UBTD2: variants seen among roughly 807,000 people sequenced by gnomAD.
UBTD2 encodes ubiquitin domain-containing protein 2.
Under a neutral mutation model 19.8 loss-of-function variants are expected in UBTD2, and 9 were observed. That is an observed-to-expected ratio of 0.46 (90% CI 0.27 to 0.79). UBTD2 has a LOEUF of 0.79. Among genes scored for constraint, UBTD2 ranks in the 30% least tolerant of loss-of-function variants. The probability of loss-of-function intolerance (pLI) is 0.14; values close to 1 mark genes in which losing one functional copy is unlikely to be tolerated. For synonymous variants in UBTD2, 98 were observed against 103.9 expected, an observed-to-expected ratio of 0.94 and a Z score of 0.35; for missense variants, 250 against 300.4, an observed-to-expected ratio of 0.83 and a Z score of 1.24.
At chr5:172,247,557 T>C (rs1271247503) in intron 1 of UBTD2, among the ~76,000 whole-genome samples, 1 of 152,184 alleles carries the variant, frequency 6.6e-6, no homozygotes, top group African/African-American at 2.4e-5. Flanking sequence ...CTACAGTGGC[T>C]ATATTTGTAA....
chr5:172,221,078 C>A (rs940095423), intron 2 of UBTD2, among the ~76,000 whole-genome samples: 1 of 152,072 alleles, frequency 6.6e-6, no homozygotes, highest in Admixed American at 6.5e-5. Context: ...GAAACAACAA[C>A]AACAAAAAAC....
chr5:172,275,150 C>T (rs1755581348), intron 1 of UBTD2, among the ~76,000 whole-genome samples: 1 of 152,134 alleles, frequency 6.6e-6, no homozygotes, highest in Admixed American at 6.6e-5. Flanking sequence ...GTGGAAGGGG[C>T]AACAAACACG....
Position 172,211,729 on chromosome 5 carries a change from T to C in UBTD2, c.*101A>G, listed in dbSNP as rs1277679969. The C allele has an allele frequency of 1.6e-5, 21 of 1,303,248 alleles. No individual in the cohort carries two copies. The highest frequency in any genetic ancestry group is 2.2e-5 in the Non-Finnish European group (21 of 973,882). The allele number at this position is 1,303,248 out of a possible 1,614,324, so 80.7% of individuals were successfully genotyped here. A position where few individuals can be genotyped will look rare whatever the true frequency, so the allele number is the denominator to read the frequency against. ...CAGAACTAAATCCATTCATAGGGAATTTAGAGCAGTGAAATAGATTTCACG... is the reference window on the plus strand; with the variant it reads ...CAGAACTAAATCCATTCATAGGGAACTTAGAGCAGTGAAATAGATTTCACG... On this transcript the variant is annotated 3_prime_UTR_variant, in exon 3 of 3. Coordinates refer to ENST00000393792, the MANE Select transcript of UBTD2 (RefSeq NM_152277.3).
intron 1 of UBTD2, among the ~76,000 whole-genome samples, chr5:172,263,018 G>A (rs1348679482): frequency 6.6e-6 from 1 of 151,760 alleles, no homozygotes; most frequent in Non-Finnish European, 1.5e-5. Flanking sequence ...GTGGCTCACT[G>A]CAGCCACGAC....
chr5:172,259,048 C>G (rs549557721), intron 1 of UBTD2, among the ~76,000 whole-genome samples: 1 of 152,274 alleles, frequency 6.6e-6, no homozygotes, highest in Non-Finnish European at 1.5e-5. Context: ...ATGTTTCCAG[C>G]TTTTACCCAT....
chr5:172,254,343 A>T, intron 1 of UBTD2: 1 of 218,954 alleles, frequency 4.6e-6, no homozygotes, highest in Non-Finnish European at 9.1e-6. Flanking sequence ...CTGATCCGCC[A>T]GCCTCGGCCT....
Position 172,216,037 on chromosome 5 carries a change from G to A in UBTD2, c.308-3810C>T, listed in dbSNP as rs147892160. On this transcript the variant is annotated intron_variant, in intron 2 of 2. Transcript: ENST00000393792. ...AAATTAGCCGAGCGTGGTGGCAGGC[G>A]CTTGTAATAATCCCAGCTACTCAGG... is the stretch of plus-strand genomic sequence containing the variant. 5.4e-3 allele frequency among the ~76,000 whole-genome samples: 826 copies of A among 152,080 alleles called. 5 individuals are homozygous for A. The highest frequency in any genetic ancestry group is 0.019 in the African/African-American group (800 of 41,488).
intron 1 of UBTD2, among the ~76,000 whole-genome samples, chr5:172,263,367 GTAAGT>G (rs1755311124): frequency 6.6e-6 from 1 of 152,136 alleles, no homozygotes; most frequent in Non-Finnish European, 1.5e-5. Context: ...GGAGACTTTC[GTAAGT>G]TAAAATAGGA....
chr5:172,231,016 C>T (rs996425634), intron 2 of UBTD2, among the ~76,000 whole-genome samples: 7 of 152,156 alleles, frequency 4.6e-5, no homozygotes, highest in Non-Finnish European at 8.8e-5. Flanking sequence ...ATCTCCTGAC[C>T]TCATGATCTG....
intron 2 of UBTD2, among the ~76,000 whole-genome samples, chr5:172,228,384 A>G (rs1018641563): frequency 5.3e-5 from 8 of 152,258 alleles, no homozygotes; most frequent in Non-Finnish European, 5.9e-5. Context: ...CAAAGTGGGG[A>G]CTGTTGTAGG....
intron 1 of UBTD2, chr5:172,242,357 T>C: frequency 1.0e-6 from 1 of 983,844 alleles, no homozygotes; most frequent in East Asian, 1.1e-4. Flanking sequence ...TCTTATTTAT[T>C]AGATTTATCC....
chr5:172,258,151 A>G (rs1389790957), intron 1 of UBTD2, among the ~76,000 whole-genome samples: 1 of 152,218 alleles, frequency 6.6e-6, no homozygotes, highest in Non-Finnish European at 1.5e-5. Flanking sequence ...TTAAGTCTTC[A>G]ATCCATCTTG....
chr5:172,248,850 G>GATCACTT (rs546086639), intron 1 of UBTD2, among the ~76,000 whole-genome samples: 28 of 151,056 alleles, frequency 1.9e-4, no homozygotes, highest in African/African-American at 6.6e-4. Context: ...GAGGCTGGAA[G>GATCACTT]ATCACTTGAG....
rs889686172 is a variant in UBTD2 at position 172,234,140 on chromosome 5, T to C, written c.289A>G (p.Asn97Asp). 6.2e-7 allele frequency: 1 copy of C among 1,614,204 alleles called. No homozygotes were observed. ...ELAQAIIDGA[N>D]ITLPHGALTE... ...AACCTACCATGTGGTAATGTTATGT[T>C]TGCACCATCAATGATTGCTTGTGCC... Residue 97 changes from asparagine to aspartate, a missense_variant, in exon 2 of 3, where the codon AAC (asparagine) becomes GAC (aspartate). Physicochemically the swap from Asn to Asp is conservative, Grantham distance 23. Transcript: ENST00000393792.
At chr5:172,263,434 T>C (rs1755311847) in intron 1 of UBTD2, among the ~76,000 whole-genome samples, 1 of 152,188 alleles carries the variant, frequency 6.6e-6, no homozygotes. Flanking sequence ...ATACAAAGCA[T>C]GTAATATAAA....
intron 1 of UBTD2, among the ~76,000 whole-genome samples, chr5:172,260,562 A>C (rs1426064998): frequency 6.6e-6 from 1 of 152,226 alleles, no homozygotes; most frequent in Non-Finnish European, 1.5e-5. Flanking sequence ...TAAAAAACAA[A>C]AATACAAACA....
Position 172,211,665 on chromosome 5 carries a change from G to T in UBTD2, c.*165C>A. On this transcript the variant is annotated 3_prime_UTR_variant, in exon 3 of 3. Transcript: ENST00000393792. ...CTCTTTGTGTTTTATTATTTTTGTT[G>T]GTCTCCATCACAGATGGAATTTTTC... 2 of 625,968 alleles carry T rather than the reference G, an allele frequency of 3.2e-6. No individual in the cohort carries two copies. The highest frequency in any genetic ancestry group is 4.9e-6 in the Non-Finnish European group (2 of 407,518). 38.8% of individuals were successfully genotyped at this position (625,968 alleles called of 1,614,324 possible).
chr5:172,267,126 G>C (rs1378086800), intron 1 of UBTD2, among the ~76,000 whole-genome samples: 1 of 143,838 alleles, frequency 7.0e-6, no homozygotes, highest in East Asian at 2.0e-4. Flanking sequence ...GAGAACAAAA[G>C]AAACACCTGC....
intron 1 of UBTD2, among the ~76,000 whole-genome samples, chr5:172,249,463 G>C (rs990640824): frequency 7.5e-4 from 76 of 101,190 alleles, no homozygotes; most frequent in African/African-American, 2.6e-3. Flanking sequence ...CCAAAAAATA[G>C]AAAGAACACT....
Sources: allele counts gnomAD v4.1 joint callset (sites outside exome capture counted in the v4.1 genomes callset), GRCh38; gene constraint gnomAD v4.1.1; transcripts MANE v1.5; gene names NCBI Gene and HGNC (gene_info 2026-07-23, HGNC 2026-07-21).